FAM174A: variants seen among roughly 807,000 people sequenced by gnomAD.
The protein encoded by FAM174A is family with sequence similarity 174 member A.
Under a neutral mutation model 14.3 loss-of-function variants are expected in FAM174A, and 14 were observed. That is an observed-to-expected ratio of 0.98 (90% CI 0.65 to 1.53). The LOEUF is 1.53. FAM174A is among the 40% of genes most tolerant of loss of function. The probability of loss-of-function intolerance (pLI) is 0.00; values close to 1 mark genes in which losing one functional copy is unlikely to be tolerated. For missense variants in FAM174A, 241 were observed against 249.6 expected, an observed-to-expected ratio of 0.97 and a Z score of 0.23; for synonymous variants, 108 against 111.4, an observed-to-expected ratio of 0.97 and a Z score of 0.19.
chr5:100,558,943 G>A (rs902088999), intron 1 of FAM174A, among the ~76,000 whole-genome samples: 1 of 152,022 alleles, frequency 6.6e-6, no homozygotes, highest in Non-Finnish European at 1.5e-5. Context: ...TTACATTTAA[G>A]GTTAATATTG....
intron 2 of FAM174A, among the ~76,000 whole-genome samples, chr5:100,564,146 G>A (rs1746588858): frequency 6.6e-6 from 1 of 151,830 alleles, no homozygotes; most frequent in Non-Finnish European, 1.5e-5. Context: ...AAGCCAAGCA[G>A]ATGTCAGCAC....
intron 1 of FAM174A, among the ~76,000 whole-genome samples, chr5:100,560,386 C>A (rs1295910741): frequency 6.6e-6 from 1 of 152,104 alleles, no homozygotes; most frequent in East Asian, 1.9e-4. Flanking sequence ...CATACTGCTT[C>A]ATTTTTGCTA....
chr5:100,552,363 T>TG (rs568555111), intron 1 of FAM174A, among the ~76,000 whole-genome samples: 1 of 152,062 alleles, frequency 6.6e-6, no homozygotes, highest in Non-Finnish European at 1.5e-5. Flanking sequence ...TCTAACCACA[T>TG]GGGGGAGTGT....
intron 2 of FAM174A, among the ~76,000 whole-genome samples, chr5:100,578,401 T>C (rs1264216383): frequency 6.6e-6 from 1 of 152,148 alleles, no homozygotes; most frequent in African/African-American, 2.4e-5. Flanking sequence ...TTGGTCTCTG[T>C]AATTGCCTGT....
At chr5:100,555,268 T>C (rs1363282173) in intron 1 of FAM174A, among the ~76,000 whole-genome samples, 1 of 151,884 alleles carries the variant, frequency 6.6e-6, no homozygotes. Flanking sequence ...TCATCATTTT[T>C]TATGGGTGCA....
intron 1 of FAM174A, among the ~76,000 whole-genome samples, chr5:100,558,240 G>C (rs1366822601): frequency 1.3e-5 from 2 of 152,158 alleles, no homozygotes; most frequent in Non-Finnish European, 2.9e-5. Flanking sequence ...CCATGTAGTT[G>C]AGTGGTTTTG....
rs940891365 is a variant in FAM174A, at chr5:100,555,450, G to A, written c.435-6604G>A. 3.9e-5 allele frequency among the ~76,000 whole-genome samples: 6 copies of A among 152,040 alleles called. No homozygotes were observed. The South Asian group carries it at 6.2e-4, about 16-fold the overall frequency. On this transcript the variant is annotated intron_variant, in intron 1 of 2. Coordinates refer to ENST00000312637, the MANE Select transcript of FAM174A (RefSeq NM_198507.3). Reference sequence around the variant, plus strand: ...GTCCTTTGGGTATATACCCAGTAACGGGATGGCTGGGTCAAATGGTATTTC... The same window carrying A: ...GTCCTTTGGGTATATACCCAGTAACAGGATGGCTGGGTCAAATGGTATTTC...
chr5:100,571,844 T>C (rs1580375636), intron 2 of FAM174A, among the ~76,000 whole-genome samples: 1 of 151,818 alleles, frequency 6.6e-6, no homozygotes, highest in Admixed American at 6.6e-5. Context: ...ATACAGTAGG[T>C]TTTACAACCA....
At chr5:100,568,445 A>G (rs1392475746) in intron 2 of FAM174A, among the ~76,000 whole-genome samples, 2 of 151,844 alleles carry the variant, frequency 1.3e-5, no homozygotes, top group East Asian at 1.9e-4. Flanking sequence ...ACACAGTTCC[A>G]TTAAATGTAT....
intron 2 of FAM174A, among the ~76,000 whole-genome samples, chr5:100,571,897 T>C (rs1253059793): frequency 1.3e-5 from 2 of 151,852 alleles, no homozygotes; most frequent in African/African-American, 2.4e-5. Flanking sequence ...ACATGTGTTA[T>C]ATGTTACTGT....
rs60487089 is a variant in FAM174A, at chr5:100,557,677, T to C, written c.435-4377T>C. On this transcript the variant is annotated intron_variant, in intron 1 of 2. Transcript: ENST00000312637. Reference sequence around the variant, plus strand: ...TGGTTTAGTCTTGGGAGGGTGTATGTGTCGAGGAATTTATCAATTTCTTCT... The same window carrying C: ...TGGTTTAGTCTTGGGAGGGTGTATGCGTCGAGGAATTTATCAATTTCTTCT... Among the ~76,000 whole-genome samples the C allele has an allele frequency of 5.1e-3, 779 of 152,324 alleles. 9 individuals are homozygous for C. Among genetic ancestry groups the C allele is most frequent in the African/African-American group, 0.017 (723 of 41,564 alleles).
At chr5:100,577,224 A>C (rs1228185956) in intron 2 of FAM174A, among the ~76,000 whole-genome samples, 1 of 152,124 alleles carries the variant, frequency 6.6e-6, no homozygotes, top group Non-Finnish European at 1.5e-5. Context: ...ATTAAGTTTT[A>C]AAATTATTTT....
intron 1 of FAM174A, among the ~76,000 whole-genome samples, chr5:100,542,328 T>C (rs26030): frequency 0.6 from 91,062 of 152,054 alleles, 29,476 homozygotes; most frequent in African/African-American, 0.85. Flanking sequence ...AATCTTGCTG[T>C]ACTCTCTTTA....
At chr5:100,584,832 C>T (rs154710) in intron 2 of FAM174A, among the ~76,000 whole-genome samples, 66,089 of 151,888 alleles carry the variant, frequency 0.44, 14,858 homozygotes, top group African/African-American at 0.48. Flanking sequence ...CAGGCAACCC[C>T]TGCTGCAGAT....
chr5:100,558,868 T>G (rs1162473433), intron 1 of FAM174A, among the ~76,000 whole-genome samples: 1 of 152,158 alleles, frequency 6.6e-6, no homozygotes, highest in East Asian at 1.9e-4. Context: ...TACAGCACAC[T>G]GATGGGTCTT....
At chr5:100,566,153 T>G (rs1458174357) in intron 2 of FAM174A, among the ~76,000 whole-genome samples, 4 of 140,444 alleles carry the variant, frequency 2.8e-5, no homozygotes, top group Admixed American at 7.2e-5. Flanking sequence ...TATATATATA[T>G]ATATATATAT....
In FAM174A at chr5:100,562,609, T is replaced by C. The variant is rs13357028; in HGVS notation, c.569+421T>C. Among the ~76,000 whole-genome samples, 10 of 151,900 alleles carry C rather than the reference T, an allele frequency of 6.6e-5. No individual in the cohort carries two copies. The East Asian group carries it at 1.9e-3, about 29-fold the overall frequency. On this transcript the variant is annotated intron_variant, in intron 2 of 2. Transcript: ENST00000312637. ...GTGTGTGCATGTGTGTTTGTGTGCG[T>C]GTGTGTTTGTGTGTGTGTGTGTGAG...
chr5:100,539,754 A>G (rs1156712480), intron 1 of FAM174A, among the ~76,000 whole-genome samples: 6 of 152,222 alleles, frequency 3.9e-5, no homozygotes, highest in Admixed American at 2.6e-4. Context: ...TCCTGTGATC[A>G]TTTAAAGTAA....
chr5:100,574,021 C>G (rs1017982303), intron 2 of FAM174A, among the ~76,000 whole-genome samples: 1 of 151,946 alleles, frequency 6.6e-6, no homozygotes, highest in Non-Finnish European at 1.5e-5. Flanking sequence ...CTGTTTTAAA[C>G]TCTCTGAAAA....
Sources: allele counts gnomAD v4.1 joint callset (sites outside exome capture counted in the v4.1 genomes callset), GRCh38; gene constraint gnomAD v4.1.1; transcripts MANE v1.5; gene names NCBI Gene and HGNC (gene_info 2026-07-23, HGNC 2026-07-21).